CCDC171: variants seen among roughly 807,000 people sequenced by gnomAD.
The protein encoded by CCDC171 is coiled-coil domain containing 171.
A neutral mutation model predicts 168.2 loss-of-function variants in CCDC171; 177 were observed. That is an observed-to-expected ratio of 1.05 (90% CI 0.93 to 1.19). The LOEUF is 1.19. Ranked by LOEUF, CCDC171 falls within the 50% of genes most tolerant of loss-of-function variation. CCDC171 has a pLI of 0.00. For synonymous variants in CCDC171, 687 were observed against 540.8 expected (o/e 1.27, Z -3.75); for missense variants, 1,991 against 1,539.0 (o/e 1.29, Z -4.91).
At chr9:15,801,507 G>A (rs1564433565) in intron 21 of CCDC171, among the ~76,000 whole-genome samples, 1 of 152,006 alleles carries the variant, frequency 6.6e-6, no homozygotes, top group African/African-American at 2.4e-5. Flanking sequence ...AGTTCTAATA[G>A]TTTTTTGGTG....
chr9:15,859,149 G>T (rs558999025), intron 23 of CCDC171, among the ~76,000 whole-genome samples: 2 of 152,096 alleles, frequency 1.3e-5, no homozygotes, highest in South Asian at 4.2e-4. Context: ...TCTATTGATT[G>T]TGTGAATTTT....
chr9:15,810,099 T>G lies in CCDC171; in HGVS notation c.3267+25405T>G, dbSNP rs532487199. 4.6e-5 allele frequency among the ~76,000 whole-genome samples: 7 copies of G among 152,244 alleles called. No individual in the cohort carries two copies. In the East Asian group the frequency reaches 1.2e-3, roughly 25 times the overall value. On this transcript the variant is annotated intron_variant, in intron 21 of 25. Coordinates refer to ENST00000380701, the MANE Select transcript of CCDC171 (RefSeq NM_173550.4). ...CCCGAGCTAGACACAGAGTGCTGAT[T>G]GGTGCATTTACAATCCCTGAACTAG...
At chr9:15,842,160 C>T (rs2060706942) in intron 21 of CCDC171, among the ~76,000 whole-genome samples, 1 of 151,836 alleles carries the variant, frequency 6.6e-6, no homozygotes, top group Non-Finnish European at 1.5e-5. Flanking sequence ...ACTTTTTATA[C>T]CAAATTGAAT....
chr9:16,008,677 G>A (rs1832776485), intron 3 of CCDC171, among the ~76,000 whole-genome samples: 2 of 152,148 alleles, frequency 1.3e-5, no homozygotes, highest in African/African-American at 4.8e-5. Flanking sequence ...CTGGGCCCCA[G>A]GTCTTGCCCC....
At chr9:15,870,134 G>GATTTATAATA (rs2061973539) in intron 23 of CCDC171, among the ~76,000 whole-genome samples, 1 of 12,648 alleles carries the variant, frequency 7.9e-5, no homozygotes. Flanking sequence ...ATAGACAGTG[G>GATTTATAATA]GCTGGATTTG....
chr9:15,794,598 G>A (rs998184361), intron 21 of CCDC171, among the ~76,000 whole-genome samples: 1 of 152,052 alleles, frequency 6.6e-6, no homozygotes, highest in Admixed American at 6.6e-5. Context: ...ATTATATCAG[G>A]TAATAGCAAA....
chr9:15,999,956 T>A (rs1381298571), intron 3 of CCDC171, among the ~76,000 whole-genome samples: 1 of 152,182 alleles, frequency 6.6e-6, no homozygotes, highest in African/African-American at 2.4e-5. Context: ...CAACTAGCCA[T>A]CCTATGAGAT....
At chr9:15,764,120 C>T (rs1242298049) in intron 18 of CCDC171, among the ~76,000 whole-genome samples, 3 of 152,136 alleles carry the variant, frequency 2.0e-5, no homozygotes, top group Non-Finnish European at 4.4e-5. Flanking sequence ...GTGGCTGAAC[C>T]AGAGTCAATA....
chr9:15,607,979 G>A (rs1241541526), intron 6 of CCDC171, among the ~76,000 whole-genome samples: 2 of 152,168 alleles, frequency 1.3e-5, no homozygotes, highest in African/African-American at 4.8e-5. Flanking sequence ...GACATCTAAT[G>A]TCAAGGGACT....
chr9:16,054,099 A>C (rs149894634), intron 1 of CCDC171, among the ~76,000 whole-genome samples: 10 of 152,042 alleles, frequency 6.6e-5, no homozygotes, highest in African/African-American at 2.4e-4. Context: ...AAGTGGGCTC[A>C]TGAGGCCACG....
At chr9:15,683,885 C>G (rs1334070003) in intron 10 of CCDC171, among the ~76,000 whole-genome samples, 1 of 151,996 alleles carries the variant, frequency 6.6e-6, no homozygotes, top group Non-Finnish European at 1.5e-5. Flanking sequence ...GAAAAATAAA[C>G]TGATTGTCAA....
At chr9:16,024,705 T>G (rs145651382) in intron 6 of CCDC171, among the ~76,000 whole-genome samples, 1 of 152,352 alleles carries the variant, frequency 6.6e-6, no homozygotes, top group East Asian at 1.9e-4. Flanking sequence ...TGGCATCATT[T>G]CAGGAATAGG....
intron 9 of CCDC171, among the ~76,000 whole-genome samples, chr9:15,669,306 T>C (rs994697195): frequency 2.0e-5 from 3 of 152,226 alleles, no homozygotes; most frequent in African/African-American, 7.2e-5. Flanking sequence ...CAATAATCTT[T>C]TGTTTTCTTT....
intron 3 of CCDC171, among the ~76,000 whole-genome samples, chr9:15,992,646 G>C (rs1318956711): frequency 3.3e-5 from 5 of 152,188 alleles, no homozygotes; most frequent in Admixed American, 3.3e-4. Context: ...AAAAGAGGAA[G>C]TCAAATTGTC....
intron 3 of CCDC171, among the ~76,000 whole-genome samples, chr9:15,988,790 C>A (rs528728972): frequency 2.0e-5 from 3 of 152,350 alleles, no homozygotes; most frequent in Non-Finnish European, 4.4e-5. Flanking sequence ...TATCCCGCGC[C>A]TGGCTCGGAG....
chr9:15,922,136 G>A (rs1247140101), intron 25 of CCDC171: 2 of 389,826 alleles, frequency 5.1e-6, no homozygotes, highest in East Asian at 7.4e-5. Flanking sequence ...TCATTTAGAA[G>A]AGATGGTTCA....
At chr9:15,613,945 A>T (rs957347581) in intron 6 of CCDC171, among the ~76,000 whole-genome samples, 2 of 152,166 alleles carry the variant, frequency 1.3e-5, no homozygotes, top group African/African-American at 4.8e-5. Flanking sequence ...TGAAATCTCT[A>T]CTTGGTTTGT....
At chr9:15,840,511 G>T (rs1210461381) in intron 21 of CCDC171, among the ~76,000 whole-genome samples, 1 of 152,028 alleles carries the variant, frequency 6.6e-6, no homozygotes, top group African/African-American at 2.4e-5. Flanking sequence ...TATTTATTAG[G>T]TATTTGCCAA....
chr9:15,837,819 G>C (rs545197799), intron 21 of CCDC171, among the ~76,000 whole-genome samples: 38 of 152,280 alleles, frequency 2.5e-4, no homozygotes, highest in African/African-American at 9.1e-4. Context: ...TTTATTGCAC[G>C]ATGGGAAAGC....
Sources: allele counts gnomAD v4.1 joint callset (sites outside exome capture counted in the v4.1 genomes callset), GRCh38; gene constraint gnomAD v4.1.1; transcripts MANE v1.5; gene names NCBI Gene and HGNC (gene_info 2026-07-23, HGNC 2026-07-21).